Variants in C2orf15 observed in about 807,000 individuals in gnomAD.
C2orf15 encodes the protein uncharacterized protein C2orf15.
In C2orf15, 3 loss-of-function variants were observed where a neutral mutation model predicts 4.4. The ratio of observed to expected loss-of-function variants is 0.67; its 90% confidence interval spans 0.31 to 1.74. The LOEUF (loss-of-function observed/expected upper bound fraction) is 1.74, where lower values mean the gene tolerates loss of function less well. Among genes scored for constraint, C2orf15 ranks in the 40% most tolerant of loss-of-function variants. C2orf15 has a pLI of 0.09. For missense variants in C2orf15, 90 were observed against 103.3 expected, an observed-to-expected ratio of 0.87 and a Z score of 0.56; for synonymous variants, 37 against 36.8, an observed-to-expected ratio of 1.00 and a Z score of -0.02.
At chr2:99,143,384 C>T (rs1039457766) in intron 2 of C2orf15, among the ~76,000 whole-genome samples, 1 of 151,634 alleles carries the variant, frequency 6.6e-6, no homozygotes, top group Non-Finnish European at 1.5e-5. Context: ...TGGTCTTGAT[C>T]TCCTGACCTC....
chr2:99,144,513 G>A (rs193084470), intron 2 of C2orf15, among the ~76,000 whole-genome samples: 10 of 152,000 alleles, frequency 6.6e-5, no homozygotes, highest in East Asian at 5.9e-4. Context: ...GGCGGGGCAC[G>A]GTGGCTCATG....
chr2:99,144,589 C>T (rs2093612450), intron 2 of C2orf15, among the ~76,000 whole-genome samples: 1 of 135,250 alleles, frequency 7.4e-6, no homozygotes, highest in African/African-American at 2.8e-5. Context: ...GCAGAGGTTG[C>T]GGTAAGCCGA....
intron 2 of C2orf15, among the ~76,000 whole-genome samples, chr2:99,144,497 A>C (rs1018318664): frequency 6.6e-6 from 1 of 151,692 alleles, no homozygotes; most frequent in Non-Finnish European, 1.5e-5. Flanking sequence ...TTTGATGCTG[A>C]AAGCAGGCGG....
intron 2 of C2orf15, among the ~76,000 whole-genome samples, chr2:99,145,021 C>G (rs1236517093): frequency 6.6e-6 from 1 of 152,190 alleles, no homozygotes; most frequent in Non-Finnish European, 1.5e-5. Context: ...TATTATCACA[C>G]GGTTCTGGAG....
chr2:99,150,663 A>G lies in C2orf15; in HGVS notation c.105A>G (p.Glu35=), dbSNP rs779133098. Residue 35 remains glutamate, a synonymous_variant, in exon 4 of 4, where the codon GAA becomes GAG. Coordinates refer to ENST00000650052, the MANE Select transcript of C2orf15 (RefSeq NM_144706.4). ...LIRGTEKSRL[E]PATQLFQNTK... is the part of the protein sequence containing the mutation. ...GAGGGACTGAAAAAAGCAGGTTGGA[A>G]CCAGCGACTCAGTTATTTCAAAACA... 1.2e-6 allele frequency: 2 copies of G among 1,614,132 alleles called. No homozygotes were observed. Among genetic ancestry groups the G allele is most frequent in the Non-Finnish European group, 8.5e-7 (1 of 1,180,006 alleles).
chr2:99,149,433 C>T (rs1264853815), intron 3 of C2orf15, among the ~76,000 whole-genome samples: 1 of 146,590 alleles, frequency 6.8e-6, no homozygotes, highest in Non-Finnish European at 1.5e-5. Flanking sequence ...CTCCATGCTA[C>T]ATGATCATCT....
At chr2:99,149,099 G>A (rs1419218155) in intron 3 of C2orf15, among the ~76,000 whole-genome samples, 5 of 151,578 alleles carry the variant, frequency 3.3e-5, no homozygotes, top group South Asian at 2.1e-4. Context: ...TTAACCTGCC[G>A]GGTGGAGGTC....
rs1165151469 is a variant in C2orf15, at chr2:99,151,531, A to G, written c.*697A>G. ...CCGTATTTCACAATATTTCTGGTGT[A>G]TCAGTTTTGTATGTTACATTTCCAT... On this transcript the variant is annotated 3_prime_UTR_variant, in exon 4 of 4. Transcript: ENST00000650052. 2 of 150,780 alleles carry G rather than the reference A, an allele frequency of 1.3e-5. No individual in the cohort carries two copies. The allele number at this position is 150,780 out of a possible 1,614,324, so 9.3% of individuals were successfully genotyped here.
chr2:99,148,101 C>T lies in C2orf15; in HGVS notation c.-77+608C>T, dbSNP rs199857358. On this transcript the variant is annotated intron_variant, in intron 3 of 3. Transcript: ENST00000650052. ...AGCCTCCTTTAATCTGAAACAGTTC[C>T]TCAGCCTCTCTGTGTCTTTCATAAC... Among the ~76,000 whole-genome samples, 609 of 152,216 alleles carry T rather than the reference C, an allele frequency of 4.0e-3. 7 individuals are homozygous for T. The highest frequency in any genetic ancestry group is 0.014 in the African/African-American group (585 of 41,538).
chr2:99,149,642 C>A (rs1244525739), intron 3 of C2orf15, among the ~76,000 whole-genome samples: 2 of 151,578 alleles, frequency 1.3e-5, no homozygotes, highest in African/African-American at 4.9e-5. Flanking sequence ...TGGGGTTTCA[C>A]CATATTAGCC....
In C2orf15 at chr2:99,141,849, C is replaced by G. The variant is rs2093566521; in HGVS notation, c.-374C>G. ...CTCTCAGAGCTGCTTTCGGGCGCAG[C>G]TCCTGCTGCAGCCAGGGCCCGTTTT... On this transcript the variant is annotated 5_prime_UTR_variant, in exon 1 of 4. Transcript: ENST00000650052. 6.6e-6 allele frequency: 1 copy of G among 152,460 alleles called. No individual in the cohort carries two copies. The highest frequency in any genetic ancestry group is 6.5e-5 in the Admixed American group (1 of 15,292). The allele number at this position is 152,460 out of a possible 1,614,324, so 9.4% of individuals were successfully genotyped here. A position where few individuals can be genotyped will look rare whatever the true frequency, so the allele number is the denominator to read the frequency against.
At chr2:99,142,157 A>G (rs1237321159) in intron 1 of C2orf15, 128 bp from the exon 2 acceptor site, 2 of 152,220 alleles carry the variant, frequency 1.3e-5, no homozygotes, top group African/African-American at 2.4e-5. Flanking sequence ...TTCTTCTACC[A>G]ATTTTTTGGA....
chr2:99,144,859 T>C (rs1222871956), intron 2 of C2orf15, among the ~76,000 whole-genome samples: 1 of 152,114 alleles, frequency 6.6e-6, no homozygotes. Flanking sequence ...GGAGAAGGTT[T>C]GGCATAGAAT....
At chr2:99,149,762 TAG>T in intron 3 of C2orf15, among the ~76,000 whole-genome samples, 1 of 139,994 alleles carries the variant, frequency 7.1e-6, no homozygotes, top group African/African-American at 2.6e-5. Context: ...TTTTACAGAC[TAG>T]ACATCCTTAA....
intron 2 of C2orf15, among the ~76,000 whole-genome samples, chr2:99,143,133 CTTTTTTTTTTTTTT>C (rs10605521): frequency 0.021 from 1,698 of 82,254 alleles, 55 homozygotes; most frequent in African/African-American, 0.073. Context: ...CCAACTAAAC[CTTTTTTTTTTTTTT>C]TTTTTTTTTT....
chr2:99,145,667 G>T (rs2093624431), intron 2 of C2orf15, among the ~76,000 whole-genome samples: 1 of 152,056 alleles, frequency 6.6e-6, no homozygotes, highest in Non-Finnish European at 1.5e-5. Flanking sequence ...ATTCCCCCTT[G>T]CCACATAACA....
chr2:99,150,444 C>G, intron 3 of C2orf15, 39 bp from the exon 4 acceptor site: 1 of 1,167,560 alleles, frequency 8.6e-7, no homozygotes, highest in Non-Finnish European at 1.2e-6. Flanking sequence ...TAGGGAAATT[C>G]CTGCTGCATT....
chr2:99,144,567 T>TC (rs955070663), intron 2 of C2orf15, among the ~76,000 whole-genome samples: 13 of 142,770 alleles, frequency 9.1e-5, no homozygotes, highest in African/African-American at 3.3e-4. Flanking sequence ...GAGACTTGCT[T>TC]GAACCCGGGA....
intron 3 of C2orf15, among the ~76,000 whole-genome samples, chr2:99,149,484 C>T (rs2093667353): frequency 6.6e-6 from 1 of 150,942 alleles, no homozygotes; most frequent in South Asian, 2.1e-4. Flanking sequence ...GCTCTGTCGC[C>T]CAGGCTGGAG....
Sources: allele counts gnomAD v4.1 joint callset (sites outside exome capture counted in the v4.1 genomes callset), GRCh38; gene constraint gnomAD v4.1.1; transcripts MANE v1.5; gene names NCBI Gene and HGNC (gene_info 2026-07-23, HGNC 2026-07-21).